Variants in NT5DC2 observed in about 807,000 individuals in gnomAD.
NT5DC2 encodes the protein 5'-nucleotidase domain-containing protein 2.
NT5DC2 carries 41 observed loss-of-function variants against 70.0 expected under a neutral mutation model. That is an observed-to-expected ratio of 0.59 (90% CI 0.46 to 0.76). The LOEUF is 0.76. Among genes scored for constraint, NT5DC2 ranks in the 30% least tolerant of loss-of-function variants. NT5DC2 has a pLI of 0.00. For synonymous variants in NT5DC2, 299 were observed against 310.4 expected (o/e 0.96, Z 0.39); for missense variants, 705 against 783.2 (o/e 0.90, Z 1.19).
At chr3:52,533,391 G>C in intron 1 of NT5DC2, 115 bp downstream of exon 1, 1 of 1,150,134 alleles carries the variant, frequency 8.7e-7, no homozygotes, top group Non-Finnish European at 1.2e-6. Context: ...TGCGCTCCGG[G>C]GCCCTGGCGA....
chr3:52,529,378 C>A lies in NT5DC2; in HGVS notation c.233-44G>T, dbSNP rs1230122292. ...GGGAGGCAGTGATGGGGATGATGAT[C>A]CCTGCAGCAGCTATGGCTCCTGAGC... On this transcript the variant is annotated intron_variant, in intron 1 of 13. Transcript: ENST00000422318. The surrounding 1 kb of genome is among the most constrained non-coding windows in gnomAD (Gnocchi z 4.1). The A allele has an allele frequency of 6.3e-7, 1 of 1,587,784 alleles. No homozygotes were observed. The highest frequency in any genetic ancestry group is 2.3e-5 in the East Asian group (1 of 44,374).
At chr3:52,528,105 C>T (rs1160107076) in intron 6 of NT5DC2, 32 bp from the exon 7 acceptor site, 1 of 1,612,898 alleles carries the variant, frequency 6.2e-7, no homozygotes, top group East Asian at 2.2e-5. Context: ...GAGGGTACAG[C>T]AGGGCCCAGG....
intron 1 of NT5DC2, among the ~76,000 whole-genome samples, chr3:52,532,906 G>A (rs957628388): frequency 6.6e-6 from 1 of 152,180 alleles, no homozygotes; most frequent in African/African-American, 2.4e-5. Context: ...TTCTCAGAGG[G>A]AGAGAGCAGG....
At chr3:52,533,884 C>A, upstream of NT5DC2, 1 of 962,594 alleles carries the variant, frequency 1.0e-6, no homozygotes, top group Non-Finnish European at 1.2e-6. Context: ...GCCCGGCCTG[C>A]CAATGGGCGC....
At chr3:52,534,591 C>G, upstream of NT5DC2, 1 of 1,613,888 alleles carries the variant, frequency 6.2e-7, no homozygotes, top group South Asian at 1.1e-5. Flanking sequence ...TCTTTTCTAG[C>G]AACGTCGACA....
intron 1 of NT5DC2, among the ~76,000 whole-genome samples, chr3:52,530,176 C>G (rs1053004998): frequency 6.6e-6 from 1 of 152,204 alleles, no homozygotes; most frequent in African/African-American, 2.4e-5. Flanking sequence ...ACAGTCAGGA[C>G]GTGATGTCAG....
intron 1 of NT5DC2, chr3:52,532,185 C>T: frequency 1.0e-6 from 1 of 985,436 alleles, no homozygotes; most frequent in Non-Finnish European, 1.2e-6. Flanking sequence ...GTGGGAATGA[C>T]TTTGCTCCTT....
chr3:52,528,151 C>T, intron 6 of NT5DC2, 32 bp downstream of exon 6: 1 of 1,613,018 alleles, frequency 6.2e-7, no homozygotes, highest in Non-Finnish European at 8.5e-7. Context: ...TTAGTCTTTC[C>T]TGCCATCCGA....
In NT5DC2 at chr3:52,524,799, C is replaced by T; in HGVS notation, c.1412+18G>A. On this transcript the variant is annotated intron_variant, in intron 13 of 13. Transcript: ENST00000422318. ...TGGTGGCTTGGCTGGGACTCCTGCC[C>T]TGGCCCCACCTGCTCACCTCAGCTC... The T allele has an allele frequency of 3.7e-6, 6 of 1,612,518 alleles. No individual in the cohort carries two copies. The highest frequency in any genetic ancestry group is 2.2e-5 in the East Asian group (1 of 44,870).
In NT5DC2 at chr3:52,525,236, G is replaced by GAAGT; in HGVS notation, c.1175_1178dup (p.Phe393LeufsTer8). ...CCAGATCACTATAGAGGTGGTCCCC[G>GAAGT]AAGTAGAGCACGCGGGGGCCACGCC... On this transcript the variant is annotated frameshift_variant, in exon 11 of 14. Coordinates refer to ENST00000422318, the MANE Select transcript of NT5DC2 (RefSeq NM_001134231.2). LOFTEE classifies it high-confidence loss of function. The GAAGT allele has an allele frequency of 6.2e-7, 1 of 1,612,614 alleles. No individual in the cohort carries two copies. Among genetic ancestry groups the GAAGT allele is most frequent in the East Asian group, 2.2e-5 (1 of 44,866 alleles).
rs375263812 is a variant in NT5DC2 at position 52,527,690 on chromosome 3, G to A, written c.964C>T (p.Pro322Ser). 6 of 1,613,130 alleles carry A rather than the reference G, an allele frequency of 3.7e-6. No homozygotes were observed. Among genetic ancestry groups the A allele is most frequent in the Non-Finnish European group, 3.4e-6 (4 of 1,180,038 alleles). ...VDKGMRHMVG[P>S]DWRQLFDVVI... is the part of the protein sequence containing the mutation. ...ACATCGAAGAGCTGGCGCCAATCGG[G>A]ACCCACCATGTGCCGCATCCCCTTG... The change falls in exon 9 of 14, where the codon CCC becomes TCC. Residue 322 changes from proline to serine, a missense_variant. Coordinates refer to ENST00000422318, the MANE Select transcript of NT5DC2 (RefSeq NM_001134231.2).
Position 52,527,858 on chromosome 3 carries a change from G to C in NT5DC2, c.906C>G (p.Phe302Leu). 3 of 1,613,438 alleles carry C rather than the reference G, an allele frequency of 1.9e-6. No individual in the cohort carries two copies. The highest frequency in any genetic ancestry group is 2.5e-6 in the Non-Finnish European group (3 of 1,180,032). Residue 302 changes from phenylalanine to leucine, a missense_variant, in exon 8 of 14, where the codon TTC becomes TTG. Phe to Leu is a conservative substitution (Grantham distance 22, BLOSUM62 0). Transcript: ENST00000422318. The stretch of plus-strand genomic sequence containing the variant: ...AGCTGAAAGGACTGTTGGTGATGAG[G>C]AACAGCTGTTTCCCATGGGCCACCA... ...SRLVAHGKQLFLITNSPFSFV... is the reference protein window; with the variant it reads ...SRLVAHGKQLLLITNSPFSFV...
chr3:52,528,474 A>G lies in NT5DC2; in HGVS notation c.614T>C (p.Leu205Pro). ...ELYGGTQHIPLYQMSGFYGKG... is the reference protein window; with the variant it reads ...ELYGGTQHIPPYQMSGFYGKG... The stretch of plus-strand genomic sequence containing the variant: ...GCCATAGAAGCCACTCATCTGGTAT[A>G]GTGGGATGTGCTGGGTACCCCCATA... The change falls in exon 5 of 14, where the codon CTA (leucine) becomes CCA (proline). Residue 205 changes from leucine to proline, a missense_variant. By Grantham distance (98) the Leu-to-Pro change is moderately conservative (BLOSUM62 -3). Coordinates refer to ENST00000422318, the MANE Select transcript of NT5DC2 (RefSeq NM_001134231.2). 3.1e-6 allele frequency: 5 copies of G among 1,613,694 alleles called. No individual in the cohort carries two copies. The South Asian group carries it at 4.4e-5, about 14-fold the overall frequency.
intron 1 of NT5DC2, chr3:52,532,559 T>TTTG (rs2079375301): frequency 1.0e-6 from 1 of 968,546 alleles, no homozygotes; most frequent in South Asian, 4.8e-5. Context: ...ACAGGGCTAC[T>TTTG]TTGTTTTATC....
Position 52,527,569 on chromosome 3 carries a change from G to A in NT5DC2, c.1037+48C>T, listed in dbSNP as rs759092707. Reference sequence around the variant, plus strand: ...TGCTTCAGTCCCCTCATTGGGGTGGGGCCTCTATTCCCCTTCCCTGGCCCT... The same window carrying A: ...TGCTTCAGTCCCCTCATTGGGGTGGAGCCTCTATTCCCCTTCCCTGGCCCT... On this transcript the variant is annotated intron_variant, in intron 9 of 13. Transcript: ENST00000422318. The A allele has an allele frequency of 1.9e-6, 3 of 1,590,634 alleles. No homozygotes were observed. The African/African-American group carries it at 4.0e-5, about 21-fold the overall frequency.
chr3:52,534,595 G>C (rs138640394), upstream of NT5DC2: 14 of 1,613,780 alleles, frequency 8.7e-6, no homozygotes, highest in Non-Finnish European at 1.2e-5. Context: ...TTCTAGCAAC[G>C]TCGACAGGCT....
chr3:52,526,653 G>A (rs187735806), intron 10 of NT5DC2, among the ~76,000 whole-genome samples: 1 of 152,302 alleles, frequency 6.6e-6, no homozygotes, highest in East Asian at 1.9e-4. Context: ...GGCATTTCAC[G>A]ATCTCTGACC....
chr3:52,531,922 G>A lies in NT5DC2; in HGVS notation c.232+1584C>T, dbSNP rs2079366762. ...GGAAGAAACTGGGGCTCAGGGAGGT[G>A]AAGTCACTTGCTCCAAACCACCCAG... On this transcript the variant is annotated intron_variant, in intron 1 of 13. Transcript: ENST00000422318. This position sits in a 1 kb window ranked among gnomAD's most constrained non-coding sequence, Gnocchi z 4.1. Among the ~76,000 whole-genome samples the A allele has an allele frequency of 6.6e-6, 1 of 152,202 alleles. No homozygotes were observed. The highest frequency in any genetic ancestry group is 2.1e-4 in the South Asian group (1 of 4,830).
At position 52,533,804 on chromosome 3, in the gene NT5DC2, T is replaced by C. The variant is rs1443830404; in HGVS notation, c.-67A>G. The C allele has an allele frequency of 1.7e-5, 14 of 808,878 alleles. No individual in the cohort carries two copies. The highest frequency in any genetic ancestry group is 2.0e-5 in the Non-Finnish European group (14 of 704,856). The allele number at this position is 808,878 out of a possible 1,614,324, so 50.1% of individuals were successfully genotyped here. On this transcript the variant is annotated 5_prime_UTR_variant, in exon 1 of 14. Transcript: ENST00000422318. ...GCCCGCCGCCCGCCGCCCGCCGCCCTCCGACTGCGCGCCCGCCACGGTGGC... is the reference window on the plus strand; with the variant it reads ...GCCCGCCGCCCGCCGCCCGCCGCCCCCCGACTGCGCGCCCGCCACGGTGGC...
Sources: allele counts gnomAD v4.1 joint callset (sites outside exome capture counted in the v4.1 genomes callset), GRCh38; gene constraint gnomAD v4.1.1; non-coding constraint Gnocchi (gnomAD v3.1); transcripts MANE v1.5; gene names NCBI Gene and HGNC (gene_info 2026-07-23, HGNC 2026-07-21).